Variants in MTHFD2L observed in about 807,000 individuals in gnomAD.
MTHFD2L encodes the protein methylenetetrahydrofolate dehydrogenase (NADP+ dependent) 2 like, also known as bifunctional methylenetetrahydrofolate dehydrogenase/cyclohydrolase 2, mitochondrial.
A neutral mutation model predicts 34.9 loss-of-function variants in MTHFD2L; 29 were observed. That is an observed-to-expected ratio of 0.83 (90% CI 0.62 to 1.13). The LOEUF (loss-of-function observed/expected upper bound fraction) is 1.13, where lower values mean the gene tolerates loss of function less well. Among genes scored for constraint, MTHFD2L ranks in the 50% most tolerant of loss-of-function variants. The pLI is 0.00. For synonymous variants in MTHFD2L, 167 were observed against 155.7 expected (o/e 1.07, Z -0.54); for missense variants, 481 against 446.5 (o/e 1.08, Z -0.70).
intron 6 of MTHFD2L, among the ~76,000 whole-genome samples, chr4:74,265,898 T>A (rs1745225805): frequency 6.6e-6 from 1 of 152,232 alleles, no homozygotes; most frequent in Non-Finnish European, 1.5e-5. Flanking sequence ...AATTTGCAGA[T>A]GTGGAGACGT....
At chr4:74,135,001 T>A (rs963617685) in intron 1 of MTHFD2L, among the ~76,000 whole-genome samples, 1 of 152,130 alleles carries the variant, frequency 6.6e-6, no homozygotes, top group Non-Finnish European at 1.5e-5. Flanking sequence ...CTAAAAATTA[T>A]TGATGTTCAA....
At chr4:74,142,593 C>T (rs925358374) in intron 1 of MTHFD2L, among the ~76,000 whole-genome samples, 1 of 152,188 alleles carries the variant, frequency 6.6e-6, no homozygotes, top group Non-Finnish European at 1.5e-5. Context: ...TTTGTTTTAG[C>T]AGCACAAACT....
intron 1 of MTHFD2L, among the ~76,000 whole-genome samples, chr4:74,127,704 T>C (rs1274169863): frequency 3.9e-5 from 6 of 152,190 alleles, no homozygotes; most frequent in African/African-American, 1.4e-4. Context: ...AGTGCTGCAA[T>C]AAATATGGGA....
At chr4:74,116,775 A>G (rs1317273293) in intron 2 of MTHFD2L, among the ~76,000 whole-genome samples, 6 of 152,232 alleles carry the variant, frequency 3.9e-5, no homozygotes, top group Admixed American at 3.9e-4. Context: ...ACATGATTTT[A>G]TGAAAAGTTT....
chr4:74,186,251 G>A (rs1371194105), intron 3 of MTHFD2L, among the ~76,000 whole-genome samples: 1 of 151,856 alleles, frequency 6.6e-6, no homozygotes, highest in Non-Finnish European at 1.5e-5. Context: ...GGGAATGTAT[G>A]AAAAATCTAT....
At chr4:74,279,100 C>A (rs1337966838) in intron 6 of MTHFD2L, among the ~76,000 whole-genome samples, 1 of 151,880 alleles carries the variant, frequency 6.6e-6, no homozygotes, top group Non-Finnish European at 1.5e-5. Context: ...CACAAATGAC[C>A]ATCACTGTAT....
intron 7 of MTHFD2L, among the ~76,000 whole-genome samples, chr4:74,282,629 T>A (rs1171940995): frequency 6.6e-6 from 1 of 152,090 alleles, no homozygotes; most frequent in Non-Finnish European, 1.5e-5. Context: ...AGTAAGCCAT[T>A]TGAGCCTAAA....
chr4:74,239,617 G>A (rs563917453), intron 6 of MTHFD2L, among the ~76,000 whole-genome samples: 6 of 151,960 alleles, frequency 3.9e-5, no homozygotes, highest in Non-Finnish European at 7.4e-5. Context: ...GAGAATTAAC[G>A]AGTACTGTGC....
intron 6 of MTHFD2L, among the ~76,000 whole-genome samples, chr4:74,236,594 C>G (rs1740872391): frequency 6.6e-6 from 1 of 152,232 alleles, no homozygotes; most frequent in South Asian, 2.1e-4. Context: ...GTCTACATTG[C>G]TAGTATGGAT....
rs1156739078 is a variant in MTHFD2L at position 74,158,144 on chromosome 4, G to A, written c.6G>A (p.Thr2=). Residue 2 remains threonine (T), a synonymous_variant, in exon 1 of 8, where the codon ACG becomes ACA. Transcript: ENST00000325278. The stretch of plus-strand genomic sequence containing the variant: ...GAAGCCGGGGATCCGCGGCCATGAC[G>A]GTGCCGGTCCGCGGCTTCTCGCTGC... The part of the protein sequence containing the change: M[T]VPVRGFSLLR... The A allele has an allele frequency of 5.2e-6, 8 of 1,530,750 alleles. No homozygotes were observed. The highest frequency in any genetic ancestry group is 6.1e-6 in the Non-Finnish European group (7 of 1,140,774). The allele number at this position is 1,530,750 out of a possible 1,614,324, so 94.8% of individuals were successfully genotyped here.
rs1230868399 is a variant in MTHFD2L at position 74,201,255 on chromosome 4, A to G, written c.605-8A>G. 4 of 1,607,754 alleles carry G rather than the reference A, an allele frequency of 2.5e-6. No individual in the cohort carries two copies. The highest frequency in any genetic ancestry group is 1.7e-5 in the Admixed American group (1 of 59,848). On this transcript the variant is annotated splice_polypyrimidine_tract_variant and splice_region_variant and intron_variant, in intron 4 of 7. Coordinates refer to ENST00000325278, the MANE Select transcript of MTHFD2L (RefSeq NM_001144978.3). ...ATTCTGCATTTAAACCGAACTCTGT[A>G]TTTTAAGGAATTCAAACATTTGGAA... is the stretch of plus-strand genomic sequence containing the variant.
At chr4:74,173,940 G>A (rs1316029886) in intron 1 of MTHFD2L, among the ~76,000 whole-genome samples, 2 of 152,146 alleles carry the variant, frequency 1.3e-5, no homozygotes, top group African/African-American at 4.8e-5. Flanking sequence ...GTCTATTTGA[G>A]CTGCTATAAC....
chr4:74,210,068 T>C (rs1400603544), intron 5 of MTHFD2L, among the ~76,000 whole-genome samples: 1 of 152,198 alleles, frequency 6.6e-6, no homozygotes, highest in East Asian at 1.9e-4. Flanking sequence ...TAAATTTAAG[T>C]TTCTTGTAGA....
chr4:74,185,058 A>G (rs1213734952), intron 3 of MTHFD2L, among the ~76,000 whole-genome samples: 1 of 148,252 alleles, frequency 6.7e-6, no homozygotes, highest in Non-Finnish European at 1.5e-5. Context: ...AGGCTGAGGC[A>G]GGAGAATGTC....
At chr4:74,231,301 G>T (rs1486831584) in intron 6 of MTHFD2L, among the ~76,000 whole-genome samples, 4 of 152,070 alleles carry the variant, frequency 2.6e-5, no homozygotes, top group African/African-American at 4.8e-5. Flanking sequence ...TCCCCCGGGT[G>T]TATTTCCTCC....
At chr4:74,170,904 C>G (rs1727805283) in intron 1 of MTHFD2L, among the ~76,000 whole-genome samples, 1 of 143,984 alleles carries the variant, frequency 6.9e-6, no homozygotes, top group African/African-American at 2.6e-5. Context: ...TGCATGTTCT[C>G]ACTCATAGGT....
intron 6 of MTHFD2L, among the ~76,000 whole-genome samples, chr4:74,242,615 T>A (rs1476502359): frequency 6.6e-6 from 1 of 152,216 alleles, no homozygotes; most frequent in Non-Finnish European, 1.5e-5. Context: ...AAGTCTGTCT[T>A]ACTCTAAAGC....
chr4:74,119,459 A>G (rs1424721820), upstream of MTHFD2L, among the ~76,000 whole-genome samples: 2 of 152,170 alleles, frequency 1.3e-5, no homozygotes, highest in East Asian at 1.9e-4. Flanking sequence ...AGAAGACTCT[A>G]AGACTGCCAA....
chr4:74,241,168 C>T (rs186114407), intron 6 of MTHFD2L, among the ~76,000 whole-genome samples: 3 of 152,266 alleles, frequency 2.0e-5, no homozygotes, highest in Non-Finnish European at 4.4e-5. Context: ...TCTACCTGCT[C>T]TCAATTGAGT....
Sources: gnomAD v4.1 joint callset for allele counts (sites outside exome capture counted in the v4.1 genomes callset) on GRCh38, gnomAD v4.1.1 for gene constraint, MANE v1.5 for transcripts, NCBI Gene and HGNC (gene_info 2026-07-23, HGNC 2026-07-21) for gene names.